Variants in CWH43 observed in about 807,000 individuals in gnomAD.
CWH43 encodes PGAP2-interacting protein.
Under a neutral mutation model 85.7 loss-of-function variants are expected in CWH43, and 91 were observed. The ratio of observed to expected loss-of-function variants is 1.06; its 90% CI spans 0.90 to 1.26. CWH43 has a LOEUF of 1.26. Among genes scored for constraint, CWH43 ranks in the 50% most tolerant of loss-of-function variants. The pLI is 0.00. For missense variants in CWH43, 869 were observed against 839.2 expected (o/e 1.04, Z -0.44); for synonymous variants, 323 against 293.6 (o/e 1.10, Z -1.02).
chr4:48,987,946 T>C (rs1359283298), intron 1 of CWH43, among the ~76,000 whole-genome samples: 1 of 152,088 alleles, frequency 6.6e-6, no homozygotes, highest in African/African-American at 2.4e-5. Flanking sequence ...ACAACTTAGG[T>C]AAGAAAATTT....
chr4:49,023,328 A>G (rs141185557), intron 9 of CWH43, among the ~76,000 whole-genome samples: 58 of 152,220 alleles, frequency 3.8e-4, no homozygotes, highest in African/African-American at 1.3e-3. Context: ...TTTAATTTCT[A>G]TATATTTGCA....
At chr4:49,005,396 C>T (rs1055970303) in intron 7 of CWH43, among the ~76,000 whole-genome samples, 1 of 152,070 alleles carries the variant, frequency 6.6e-6, no homozygotes, top group Non-Finnish European at 1.5e-5. Flanking sequence ...CTACCACTCC[C>T]AGCTGCTGAA....
chr4:49,003,365 T>G (rs551447142), intron 6 of CWH43, among the ~76,000 whole-genome samples: 14 of 152,328 alleles, frequency 9.2e-5, no homozygotes, highest in African/African-American at 3.4e-4. Flanking sequence ...TTTTCTAATG[T>G]CCTGCATCTG....
intron 5 of CWH43, among the ~76,000 whole-genome samples, chr4:48,997,206 A>G (rs1246998538): frequency 6.7e-6 from 1 of 149,304 alleles, no homozygotes; most frequent in Non-Finnish European, 1.5e-5. Context: ...ACCTGACACT[A>G]CACCTGGCTA....
intron 15 of CWH43, among the ~76,000 whole-genome samples, chr4:49,060,427 C>T (rs1189673413): frequency 1.3e-5 from 2 of 151,916 alleles, no homozygotes; most frequent in African/African-American, 4.8e-5. Flanking sequence ...GGCTTAGGGA[C>T]TGGGGTTGTT....
intron 13 of CWH43, 115 bp from the exon 14 acceptor site, chr4:49,044,671 G>A: frequency 1.3e-6 from 1 of 745,118 alleles, no homozygotes; most frequent in South Asian, 2.0e-5. Context: ...GAGCCAGGAA[G>A]AGAAAACAGC....
At chr4:49,023,608 C>T (rs952551160) in intron 9 of CWH43, among the ~76,000 whole-genome samples, 3 of 152,144 alleles carry the variant, frequency 2.0e-5, no homozygotes, top group Non-Finnish European at 4.4e-5. Flanking sequence ...AACTCCTGAC[C>T]TCAGGTGATC....
intron 9 of CWH43, among the ~76,000 whole-genome samples, chr4:49,025,051 AT>A (rs1246168531): frequency 6.6e-6 from 1 of 151,448 alleles, no homozygotes; most frequent in Non-Finnish European, 1.5e-5. Flanking sequence ...TATCTTTTAA[AT>A]TTTTTTTCCT....
chr4:49,038,178 A>G lies in CWH43; in HGVS notation c.1801A>G (p.Lys601Glu). 6.4e-7 allele frequency: 1 copy of G among 1,560,560 alleles called. No individual in the cohort carries two copies. The highest frequency in any genetic ancestry group is 8.7e-7 in the Non-Finnish European group (1 of 1,154,378). The change falls in exon 13 of 16, where the codon AAG becomes GAG. Residue 601 changes from lysine (K) to glutamate (E), a missense_variant and splice_region_variant. Around this residue, in one of 3 missense-constraint regions of CWH43, gnomAD observed 577 missense variants for 513.1 expected, o/e 1.12. Coordinates refer to ENST00000226432, the MANE Select transcript of CWH43 (RefSeq NM_025087.3). ...YLQLTEHGNV[K>E]DIDSTDHDRW... ...ACAGCTCACTGAACATGGCAATGTG[A>G]AGGTAACATAATCTTAATAGGATTT...
intron 14 of CWH43, among the ~76,000 whole-genome samples, chr4:49,047,960 G>T (rs1400246743): frequency 6.6e-6 from 1 of 152,188 alleles, no homozygotes; most frequent in Non-Finnish European, 1.5e-5. Context: ...GGAACAGATA[G>T]CTTGACTATA....
chr4:49,016,869 G>A lies in CWH43; in HGVS notation c.1187-380G>A, dbSNP rs142052233. The A allele has an allele frequency of 6.4e-3, 5,046 of 783,994 alleles. 19 individuals are homozygous for A. The highest frequency in any genetic ancestry group is 0.015 in the African/African-American group (859 of 59,144). The allele number at this position is 783,994 out of a possible 1,614,324, so 48.6% of individuals were successfully genotyped here. On this transcript the variant is annotated intron_variant, in intron 8 of 15. Coordinates refer to ENST00000226432, the MANE Select transcript of CWH43 (RefSeq NM_025087.3). The stretch of plus-strand genomic sequence containing the variant: ...CTCCCCAAAGACATGCCTTCTCTCC[G>A]AGTGCCCCAGGACTACCCACGTAGC...
chr4:49,016,398 G>T (rs1198118677), intron 8 of CWH43, among the ~76,000 whole-genome samples: 1 of 152,126 alleles, frequency 6.6e-6, no homozygotes, highest in Non-Finnish European at 1.5e-5. Flanking sequence ...TGGCCTCATG[G>T]TGTAAGAAGG....
At position 48,994,867 on chromosome 4, in the gene CWH43, G is replaced by A. The variant is rs750614604; in HGVS notation, c.713+47G>A. 1.1e-5 allele frequency: 16 copies of A among 1,513,940 alleles called. No homozygotes were observed. The Admixed American group carries it at 2.7e-4, about 25-fold the overall frequency. The allele number at this position is 1,513,940 out of a possible 1,614,324, so 93.8% of individuals were successfully genotyped here. On this transcript the variant is annotated intron_variant, in intron 5 of 15. Coordinates refer to ENST00000226432, the MANE Select transcript of CWH43 (RefSeq NM_025087.3). Reference sequence around the variant, plus strand: ...ATCACAAAATCGGCAGTTATGCCTGGAGGAAGCAATGCCTCCTTTGTCAGA... The same window carrying A: ...ATCACAAAATCGGCAGTTATGCCTGAAGGAAGCAATGCCTCCTTTGTCAGA...
At chr4:49,031,193 G>T in intron 11 of CWH43, 1 of 405,590 alleles carries the variant, frequency 2.5e-6, no homozygotes, top group Non-Finnish European at 4.3e-6. Context: ...AGGAGCTGAG[G>T]TTGCAGCACC....
intron 7 of CWH43, among the ~76,000 whole-genome samples, chr4:49,006,886 C>T (rs1783174946): frequency 6.6e-6 from 1 of 152,138 alleles, no homozygotes; most frequent in South Asian, 2.1e-4. Flanking sequence ...CTTCACTGTC[C>T]CCTGCCCAAT....
intron 14 of CWH43, among the ~76,000 whole-genome samples, chr4:49,048,628 C>CA (rs1177048099): frequency 6.6e-6 from 1 of 151,868 alleles, no homozygotes; most frequent in East Asian, 1.9e-4. Flanking sequence ...CATGGCCTTT[C>CA]CTTGGGTTGT....
chr4:49,041,353 A>T (rs1209691699), intron 13 of CWH43, among the ~76,000 whole-genome samples: 1 of 152,112 alleles, frequency 6.6e-6, no homozygotes, highest in Non-Finnish European at 1.5e-5. Flanking sequence ...CATTTTCACG[A>T]TATTGATTCT....
At chr4:49,014,405 G>A (rs1434908215) in intron 8 of CWH43, among the ~76,000 whole-genome samples, 1 of 150,198 alleles carries the variant, frequency 6.7e-6, no homozygotes, top group Non-Finnish European at 1.5e-5. Flanking sequence ...GGTCAAGGCT[G>A]CAGTGATGGT....
chr4:48,996,699 C>A (rs1369192983), intron 5 of CWH43, among the ~76,000 whole-genome samples: 1 of 152,106 alleles, frequency 6.6e-6, no homozygotes, highest in Non-Finnish European at 1.5e-5. Context: ...TCCTGGTAAC[C>A]AGGAGAAACT....
Sources: allele counts gnomAD v4.1 joint callset (sites outside exome capture counted in the v4.1 genomes callset), GRCh38; gene constraint gnomAD v4.1.1; regional missense constraint gnomAD v4.1.1; transcripts MANE v1.5; gene names NCBI Gene and HGNC (gene_info 2026-07-23, HGNC 2026-07-21).